Variants in RAPGEF6 observed in about 807,000 individuals in gnomAD.
RAPGEF6 encodes PDZ domain containing guanine nucleotide exchange factor (GEF) 2.
RAPGEF6 carries 56 observed loss-of-function variants against 171.4 expected under a neutral mutation model. The ratio of observed to expected loss-of-function variants is 0.33; its 90% CI spans 0.26 to 0.41. The LOEUF (loss-of-function observed/expected upper bound fraction) is 0.41. Ranked by LOEUF, RAPGEF6 falls within the 10% of genes least tolerant of loss-of-function variation. The pLI is 1.00. For missense variants in RAPGEF6, 1,674 were observed against 1,921.4 expected, an observed-to-expected ratio of 0.87 and a Z score of 2.41; for synonymous variants, 692 against 650.1, an observed-to-expected ratio of 1.06 and a Z score of -0.98.
intron 7 of RAPGEF6, among the ~76,000 whole-genome samples, chr5:131,517,865 T>C (rs1209788038): frequency 2.6e-5 from 4 of 151,822 alleles, no homozygotes; most frequent in African/African-American, 7.3e-5. Context: ...ATTAAAATTA[T>C]AGAAATCTTG....
At chr5:131,498,697 T>G in intron 11 of RAPGEF6, 90 bp from the exon 12 acceptor site, 4 of 1,158,884 alleles carry the variant, frequency 3.5e-6, no homozygotes, top group Non-Finnish European at 5.0e-6. Flanking sequence ...TTGTAGCTAC[T>G]CCATTAGACA....
At chr5:131,435,575 T>C (rs1751961707) in intron 24 of RAPGEF6, among the ~76,000 whole-genome samples, 1 of 152,184 alleles carries the variant, frequency 6.6e-6, no homozygotes, top group Admixed American at 6.5e-5. Context: ...GTTTATGAAG[T>C]CTGGGGTGGG....
At position 131,501,879 on chromosome 5, in the gene RAPGEF6, ATG is replaced by A. The variant is rs144316947; in HGVS notation, c.1254+2745_1254+2746del. On this transcript the variant is annotated intron_variant, in intron 11 of 27. Transcript: ENST00000509018. ...TATATATATAAAGTTATAGATGTGT[ATG>A]TGTTTATAACAAATACATACATATA... 3.6e-3 allele frequency among the ~76,000 whole-genome samples: 548 copies of A among 152,318 alleles called. 3 individuals are homozygous for A. The highest frequency in any genetic ancestry group is 6.0e-3 in the Non-Finnish European group (409 of 68,030).
intron 6 of RAPGEF6, among the ~76,000 whole-genome samples, chr5:131,544,111 A>C (rs1760343591): frequency 6.6e-6 from 1 of 152,206 alleles, no homozygotes; most frequent in Non-Finnish European, 1.5e-5. Flanking sequence ...ATTATGTAAA[A>C]TGCAACAGCC....
intron 5 of RAPGEF6, among the ~76,000 whole-genome samples, chr5:131,551,476 C>T (rs187266665): frequency 1.4e-5 from 2 of 146,562 alleles, no homozygotes; most frequent in African/African-American, 5.1e-5. Flanking sequence ...CGTGTCACTG[C>T]ACTCTAGTCT....
At chr5:131,466,006 C>T (rs1008823878) in intron 17 of RAPGEF6, among the ~76,000 whole-genome samples, 1 of 149,234 alleles carries the variant, frequency 6.7e-6, no homozygotes, top group Non-Finnish European at 1.5e-5. Flanking sequence ...GGTATAATCC[C>T]TGGTTAAAAG....
intron 24 of RAPGEF6, among the ~76,000 whole-genome samples, chr5:131,435,325 G>C (rs1751947549): frequency 6.6e-6 from 1 of 152,130 alleles, no homozygotes; most frequent in Admixed American, 6.5e-5. Flanking sequence ...TCCATGAGCT[G>C]ATTAGTCAAT....
chr5:131,601,079 A>C (rs1207523240), intron 3 of RAPGEF6, among the ~76,000 whole-genome samples: 9 of 75,010 alleles, frequency 1.2e-4, no homozygotes, highest in African/African-American at 4.0e-4. Flanking sequence ...AGAAAACTCC[A>C]TTTCAAAAAA....
chr5:131,493,276 C>A (rs761497671), intron 13 of RAPGEF6, among the ~76,000 whole-genome samples: 1 of 152,036 alleles, frequency 6.6e-6, no homozygotes, highest in Admixed American at 6.6e-5. Flanking sequence ...ATGTTAGCCA[C>A]GATGGTCTTG....
At chr5:131,470,092 T>TC (rs957893129) in intron 17 of RAPGEF6, among the ~76,000 whole-genome samples, 1 of 152,186 alleles carries the variant, frequency 6.6e-6, no homozygotes, top group Non-Finnish European at 1.5e-5. Flanking sequence ...GATGTTTTTT[T>TC]CAATCCAAAT....
At chr5:131,519,636 A>G (rs1211172518) in intron 7 of RAPGEF6, among the ~76,000 whole-genome samples, 1 of 152,170 alleles carries the variant, frequency 6.6e-6, no homozygotes, top group Non-Finnish European at 1.5e-5. Context: ...TCCTAACCTC[A>G]GGTAATCCGC....
rs1761714395 is a variant in RAPGEF6 at position 131,563,191 on chromosome 5, G to A, written c.282-1144C>T. Among the ~76,000 whole-genome samples, 10 of 152,088 alleles carry A rather than the reference G, an allele frequency of 6.6e-5. No homozygotes were observed. The South Asian group carries it at 1.9e-3, about 28-fold the overall frequency. ...TCATATATGAAAATTTAGTGCCAGT[G>A]TCAGTTAGTAAATAAAACATATAAA... On this transcript the variant is annotated intron_variant, in intron 4 of 27. Transcript: ENST00000509018.
rs187744978 is a variant in RAPGEF6 at position 131,424,818 on chromosome 5, C to T, written c.*2448G>A. 2.0e-4 allele frequency: 30 copies of T among 152,438 alleles called. No homozygotes were observed. Among genetic ancestry groups the T allele is most frequent in the Middle Eastern group, 3.4e-3 (1 of 294 alleles). 9.4% of individuals were successfully genotyped at this position (152,438 alleles called of 1,614,324 possible). A position where few individuals can be genotyped will look rare whatever the true frequency, so the allele number is the denominator to read the frequency against. ...GGCAAAAGTTTGCACTGAGCGTTAA[C>T]TGCTTCAACAGTCTTGGCAGATTGA... On this transcript the variant is annotated 3_prime_UTR_variant, in exon 28 of 28. Coordinates refer to ENST00000509018, the MANE Select transcript of RAPGEF6 (RefSeq NM_016340.6).
intron 3 of RAPGEF6, among the ~76,000 whole-genome samples, chr5:131,594,724 G>T (rs918397335): frequency 9.2e-5 from 14 of 152,226 alleles, no homozygotes; most frequent in Admixed American, 7.2e-4. Context: ...CCCACCACTT[G>T]CCTCAGGGTG....
At position 131,463,954 on chromosome 5, in the gene RAPGEF6, A is replaced by G. The variant is rs550199559; in HGVS notation, c.2480+87T>C. On this transcript the variant is annotated intron_variant, in intron 18 of 27. Coordinates refer to ENST00000509018, the MANE Select transcript of RAPGEF6 (RefSeq NM_016340.6). ...GAATTTAGGAGCACTAAAACATGAT[A>G]ATGTTTCTACTTACAATAGCTGTTT... The G allele has an allele frequency of 1.4e-5, 21 of 1,490,530 alleles. 1 individual carries two copies. In the South Asian group the frequency reaches 2.3e-4, roughly 17 times the overall value. The allele number at this position is 1,490,530 out of a possible 1,614,324, so 92.3% of individuals were successfully genotyped here. A position where few individuals can be genotyped will look rare whatever the true frequency, so the allele number is the denominator to read the frequency against.
chr5:131,427,450 C>A (rs1751445285), intron 27 of RAPGEF6, among the ~76,000 whole-genome samples, 159 bp from the exon 28 acceptor site: 1 of 152,124 alleles, frequency 6.6e-6, no homozygotes, highest in African/African-American at 2.4e-5. Context: ...GATTTCTGAT[C>A]ACATTGAAGG....
Position 131,461,778 on chromosome 5 carries a change from T to C in RAPGEF6, c.2791A>G (p.Ile931Val). 1 of 1,612,962 alleles carries C rather than the reference T, an allele frequency of 6.2e-7. No individual in the cohort carries two copies. The highest frequency in any genetic ancestry group is 8.5e-7 in the Non-Finnish European group (1 of 1,179,026). ...EANQLKRMKI[I>V]KHFIKIALHC... ...AGTGCAATTTTAATAAAATGCTTAA[T>C]AATCTTCATTCGTTTGAGCTGATTT... Residue 931 changes from isoleucine (I) to valine (V), a missense_variant, in exon 19 of 28, where the codon ATT (isoleucine) becomes GTT (valine). Physicochemically the swap from Ile to Val is conservative, Grantham distance 29. Around this residue, in one of 3 missense-constraint regions of RAPGEF6, gnomAD observed 1,116 missense variants for 1,321.5 expected, o/e 0.84. Coordinates refer to ENST00000509018, the MANE Select transcript of RAPGEF6 (RefSeq NM_016340.6).
At chr5:131,573,444 C>A (rs983888465) in intron 4 of RAPGEF6, among the ~76,000 whole-genome samples, 15 of 152,054 alleles carry the variant, frequency 9.9e-5, no homozygotes, top group Admixed American at 9.8e-4. Context: ...CTCAGTCCTA[C>A]AATCTAACCT....
chr5:131,492,243 G>A (rs768655077), intron 14 of RAPGEF6, among the ~76,000 whole-genome samples: 4 of 152,130 alleles, frequency 2.6e-5, no homozygotes, highest in Admixed American at 6.5e-5. Flanking sequence ...CTGCAAGGGT[G>A]CTAATTCATA....
Sources: allele counts gnomAD v4.1 joint callset (sites outside exome capture counted in the v4.1 genomes callset), GRCh38; gene constraint gnomAD v4.1.1; regional missense constraint gnomAD v4.1.1; transcripts MANE v1.5; gene names NCBI Gene and HGNC (gene_info 2026-07-23, HGNC 2026-07-21).